The following THSD7B variants were observed in gnomAD, a reference collection of about 807,000 sequenced individuals.
THSD7B encodes thrombospondin type 1 domain containing 7B.
Under a neutral mutation model 213.6 loss-of-function variants are expected in THSD7B, and 138 were observed. That is an observed-to-expected ratio of 0.65 (90% CI 0.56 to 0.74). The LOEUF is 0.74. Ranked by LOEUF, THSD7B falls within the 30% of genes least tolerant of loss-of-function variation. The probability of loss-of-function intolerance (pLI) is 0.00; values close to 1 mark genes in which losing one functional copy is unlikely to be tolerated. For synonymous variants in THSD7B, 742 were observed against 687.0 expected, an observed-to-expected ratio of 1.08 and a Z score of -1.25; for missense variants, 1,931 against 1,991.5, an observed-to-expected ratio of 0.97 and a Z score of 0.58.
At chr2:136,978,581 C>T (rs138572710) in intron 2 of THSD7B, among the ~76,000 whole-genome samples, 2 of 151,948 alleles carry the variant, frequency 1.3e-5, no homozygotes, top group Non-Finnish European at 2.9e-5. Flanking sequence ...TGTTAAAGTC[C>T]GGTTTTTCAG....
intron 20 of THSD7B, among the ~76,000 whole-genome samples, chr2:137,631,000 G>A (rs6755444): frequency 0.33 from 50,713 of 151,886 alleles, 9,737 homozygotes; most frequent in African/African-American, 0.52. Context: ...GCCACACTTC[G>A]TCTTCAAACC....
chr2:137,101,066 C>G (rs914946320), intron 4 of THSD7B, among the ~76,000 whole-genome samples: 3 of 152,174 alleles, frequency 2.0e-5, no homozygotes, highest in African/African-American at 7.2e-5. Flanking sequence ...AATGGACTCT[C>G]CCTCTGTCTC....
chr2:137,335,488 G>A (rs373118912), intron 12 of THSD7B, among the ~76,000 whole-genome samples: 25 of 152,132 alleles, frequency 1.6e-4, no homozygotes, highest in African/African-American at 6.0e-4. Context: ...TTCCCCTCTT[G>A]GAAGTAGTTT....
intron 5 of THSD7B, among the ~76,000 whole-genome samples, chr2:137,141,494 TCACA>T (rs36201207): frequency 0.23 from 34,733 of 149,996 alleles, 4,997 homozygotes; most frequent in African/African-American, 0.4. Context: ...ACACACACAC[TCACA>T]CACACACACA....
At chr2:136,855,910 C>T (rs1432611728) in intron 1 of THSD7B, among the ~76,000 whole-genome samples, 2 of 152,046 alleles carry the variant, frequency 1.3e-5, no homozygotes, top group Non-Finnish European at 2.9e-5. Flanking sequence ...GGATTACCCC[C>T]CTCCTTTTCC....
intron 10 of THSD7B, among the ~76,000 whole-genome samples, chr2:137,271,372 T>C (rs1172690489): frequency 7.1e-6 from 1 of 141,210 alleles, no homozygotes; most frequent in African/African-American, 2.6e-5. Context: ...AATGGCTTCA[T>C]TCATATATAT....
chr2:137,565,038 G>T (rs1301900429), intron 16 of THSD7B, among the ~76,000 whole-genome samples: 1 of 151,932 alleles, frequency 6.6e-6, no homozygotes, highest in Non-Finnish European at 1.5e-5. Context: ...GAGAAGACTA[G>T]GACACAGACA....
chr2:137,547,383 G>T (rs1015500010), intron 15 of THSD7B, among the ~76,000 whole-genome samples: 2 of 151,956 alleles, frequency 1.3e-5, no homozygotes, highest in African/African-American at 4.8e-5. Context: ...ATAGCACAAG[G>T]CTGCCTTAGA....
intron 10 of THSD7B, 99 bp from the exon 11 acceptor site, chr2:137,272,434 T>G (rs1682767865): frequency 7.9e-7 from 1 of 1,268,362 alleles, no homozygotes; most frequent in Admixed American, 3.2e-5. Context: ...CCACATGTGC[T>G]TACTTTATCT....
At chr2:137,671,247 T>TA (rs34209454) in intron 27 of THSD7B, among the ~76,000 whole-genome samples, 102 of 133,514 alleles carry the variant, frequency 7.6e-4, no homozygotes, top group South Asian at 1.8e-3. Flanking sequence ...TTTTTTTTTT[T>TA]AAAAAAAAAA....
chr2:137,229,105 C>G (rs909006518), intron 7 of THSD7B, among the ~76,000 whole-genome samples: 1 of 152,166 alleles, frequency 6.6e-6, no homozygotes, highest in African/African-American at 2.4e-5. Flanking sequence ...AGAAATTTTT[C>G]AGTAATGAAA....
At chr2:137,656,712 T>C (rs1683242545) in intron 22 of THSD7B, 84 bp from the exon 23 acceptor site, 3 of 1,360,236 alleles carry the variant, frequency 2.2e-6, no homozygotes, top group African/African-American at 2.9e-5. Context: ...ACTGCAAATC[T>C]CTGTGTGAGC....
At chr2:137,236,770 C>T (rs1681772374) in intron 9 of THSD7B, among the ~76,000 whole-genome samples, 1 of 152,102 alleles carries the variant, frequency 6.6e-6, no homozygotes, top group South Asian at 2.1e-4. Context: ...TAAAAAATGG[C>T]AGGTCTTTGT....
intron 7 of THSD7B, among the ~76,000 whole-genome samples, chr2:137,193,103 A>G (rs1680692827): frequency 6.6e-6 from 1 of 152,150 alleles, no homozygotes; most frequent in Admixed American, 6.6e-5. Flanking sequence ...GCAGCCCTTC[A>G]GAGTCCAGCC....
chr2:137,234,211 C>G (rs1240287485), intron 9 of THSD7B, among the ~76,000 whole-genome samples: 3 of 152,188 alleles, frequency 2.0e-5, no homozygotes, highest in Non-Finnish European at 4.4e-5. Context: ...GTGGTCCTGT[C>G]CCTACTGACT....
intron 2 of THSD7B, among the ~76,000 whole-genome samples, chr2:136,945,430 A>G (rs999941637): frequency 6.6e-6 from 1 of 152,160 alleles, no homozygotes; most frequent in Non-Finnish European, 1.5e-5. Context: ...ACCTTGGTGA[A>G]TCTGACAATT....
intron 7 of THSD7B, among the ~76,000 whole-genome samples, chr2:137,201,772 A>C (rs4954480): frequency 3.3e-5 from 5 of 151,804 alleles, no homozygotes; most frequent in Admixed American, 2.0e-4. Flanking sequence ...ACATCCCCTC[A>C]TTGGACTTGC....
At chr2:136,865,153 C>T (rs1298775202) in intron 1 of THSD7B, among the ~76,000 whole-genome samples, 1 of 152,186 alleles carries the variant, frequency 6.6e-6, no homozygotes, top group Non-Finnish European at 1.5e-5. Context: ...CAGCCCTCTC[C>T]TTCCTAGAGA....
intron 1 of THSD7B, among the ~76,000 whole-genome samples, chr2:136,878,868 C>T (rs1183592991): frequency 2.0e-5 from 3 of 152,106 alleles, no homozygotes; most frequent in Non-Finnish European, 1.5e-5. Context: ...CTGTAGGTTG[C>T]CTGTTTGCTC....
Sources: gnomAD v4.1 joint callset for allele counts (sites outside exome capture counted in the v4.1 genomes callset) on GRCh38, gnomAD v4.1.1 for gene constraint, MANE v1.5 for transcripts, NCBI Gene and HGNC (gene_info 2026-07-23, HGNC 2026-07-21) for gene names.